Variants in AMER1 observed in about 807,000 individuals in gnomAD.
The protein encoded by AMER1 is APC membrane recruitment protein 1.
In AMER1, 16 loss-of-function variants were observed where a neutral mutation model predicts 53.0. The observed-to-expected ratio is 0.30, with a 90% CI of 0.20 to 0.46. The LOEUF is 0.46. Ranked by LOEUF, AMER1 falls within the 20% of genes least tolerant of loss-of-function variation. The pLI is 1.00. For missense variants in AMER1, 947 were observed against 884.9 expected (o/e 1.07, Z -0.89); for synonymous variants, 354 against 331.9 (o/e 1.07, Z -0.73).
rs2147085460 is a variant in AMER1, at chrX:64,190,571, G to A, written c.2716C>T (p.Leu906Phe). Residue 906 changes from leucine to phenylalanine, a missense_variant, in exon 2 of 2, where the codon CTC (leucine) becomes TTC (phenylalanine). By Grantham distance (22) the Leu-to-Phe change is conservative. Transcript: ENST00000374869. Reference sequence around the variant, plus strand: ...CCCTGGACCAAGTGGGAATTGGAGAGCTCCATCTCCAGGGTCTCTGCAGTG... The same window carrying A: ...CCCTGGACCAAGTGGGAATTGGAGAACTCCATCTCCAGGGTCTCTGCAGTG... ...LDTAETLEMELSNSHLVQGYL... is the reference protein window; with the variant it reads ...LDTAETLEMEFSNSHLVQGYL... 1 of 1,211,927 alleles carries A rather than the reference G, an allele frequency of 8.3e-7. No homozygotes were observed. Among genetic ancestry groups the A allele is most frequent in the Middle Eastern group, 2.3e-4 (1 of 4,356 alleles).
In AMER1 at chrX:64,192,048, G is replaced by A. The variant is rs2147088787; in HGVS notation, c.1239C>T (p.Ala413=). The A allele has an allele frequency of 8.3e-7, 1 of 1,211,616 alleles. No homozygotes were observed. Among genetic ancestry groups the A allele is most frequent in the Non-Finnish European group, 1.1e-6 (1 of 895,486 alleles). The change falls in exon 2 of 2, where the codon GCC becomes GCT. Residue 413 remains alanine (A), a synonymous_variant. Transcript: ENST00000374869. ...DDDLEYLWET[A]QMYPRPNMNL... The stretch of plus-strand genomic sequence containing the variant: ...TCATATTGGGCCGTGGATACATTTG[G>A]GCAGTTTCCCACAGATATTCTAAGT...
At position 64,191,778 on chromosome X, in the gene AMER1, A is replaced by T. The variant is rs2147088095; in HGVS notation, c.1509T>A (p.Asp503Glu). ...CTGGCTCATAGAACTCATATAGGGC[A>T]TCTCCACTGTAGCTGTCTCGGGGTA... The part of the protein sequence containing the change: ...DCLPRDSYSG[D>E]ALYEFYEPDD... Residue 503 changes from aspartate (D) to glutamate (E), a missense_variant, in exon 2 of 2, where the codon GAT becomes GAA. Coordinates refer to ENST00000374869, the MANE Select transcript of AMER1 (RefSeq NM_152424.4). 10 of 1,211,643 alleles carry T rather than the reference A, an allele frequency of 8.3e-6. No homozygotes were observed. Among genetic ancestry groups the T allele is most frequent in the Non-Finnish European group, 1.1e-5 (10 of 895,393 alleles).
chrX:64,189,038 T>C lies in AMER1; in HGVS notation c.*841A>G. 1 of 804,535 alleles carries C rather than the reference T, an allele frequency of 1.2e-6. No individual in the cohort carries two copies. Among genetic ancestry groups the C allele is most frequent in the Non-Finnish European group, 1.5e-6 (1 of 670,226 alleles). 66.3% of individuals were successfully genotyped at this position (804,535 alleles called of 1,213,427 possible). On this transcript the variant is annotated 3_prime_UTR_variant, in exon 2 of 2. Transcript: ENST00000374869. ...GTGTCCACAACAGAACCTTGTTTTG[T>C]CTTCTGTTTGCAAATGGATGAATTT...
Position 64,186,450 on chromosome X carries a change from A to T in AMER1, c.*3429T>A. The T allele has an allele frequency of 1.4e-6, 1 of 739,966 alleles. No individual in the cohort carries two copies. 61.0% of individuals were successfully genotyped at this position (739,966 alleles called of 1,213,427 possible). ...TTTGATATATATATATATATATATTAAAAACAACTTGAATGCAACATACAC... is the reference window on the plus strand; with the variant it reads ...TTTGATATATATATATATATATATTTAAAACAACTTGAATGCAACATACAC... On this transcript the variant is annotated 3_prime_UTR_variant, in exon 2 of 2. Transcript: ENST00000374869.
intron 1 of AMER1, among the ~76,000 whole-genome samples, chrX:64,198,766 G>C (rs959448647): frequency 9.0e-6 from 1 of 111,174 alleles, no homozygotes; most frequent in African/African-American, 3.3e-5. Context: ...AACCCAGCCT[G>C]TGGCTGCTCT....
In AMER1 at chrX:64,187,292, G is replaced by A. The variant is rs773850096; in HGVS notation, c.*2587C>T. On this transcript the variant is annotated 3_prime_UTR_variant, in exon 2 of 2. Coordinates refer to ENST00000374869, the MANE Select transcript of AMER1 (RefSeq NM_152424.4). Reference sequence around the variant, plus strand: ...ACCTGCTTCTGCAGCCACATATCCTGGCTGCCCCACTTCAGGTGGTAAGGA... The same window carrying A: ...ACCTGCTTCTGCAGCCACATATCCTAGCTGCCCCACTTCAGGTGGTAAGGA... 9.6e-5 allele frequency: 76 copies of A among 787,957 alleles called. No individual in the cohort carries two copies. In the African/African-American group the frequency reaches 1.6e-3, roughly 16 times the overall value. The allele number at this position is 787,957 out of a possible 1,213,427, so 64.9% of individuals were successfully genotyped here. A position where few individuals can be genotyped will look rare whatever the true frequency, so the allele number is the denominator to read the frequency against.
chrX:64,205,291 C>A (rs373881047), intron 1 of AMER1, among the ~76,000 whole-genome samples: 2 of 111,007 alleles, frequency 1.8e-5, no homozygotes, highest in African/African-American at 6.5e-5. Context: ...TCCCCGCCCC[C>A]CCGAAAGCCG....
chrX:64,201,825 A>G (rs1427398995), intron 1 of AMER1, among the ~76,000 whole-genome samples: 2 of 111,741 alleles, frequency 1.8e-5, no homozygotes, highest in Non-Finnish European at 3.8e-5. Flanking sequence ...TGGAGATGTA[A>G]CAGTTCTTCA....
chrX:64,189,793 A>ACGGGGGGGCCCCCCCCCCCCCC lies in AMER1; in HGVS notation c.*85_*86insGGGGGGGGGGGGGGCCCCCCCG. ...CAAAGGGTTTTCAAGTTAAACAACA[A>ACGGGGGGGCCCCCCCCCCCCCC]CCCCCACCCCCCCACCCTTCTGCCC... On this transcript the variant is annotated 3_prime_UTR_variant, in exon 2 of 2. Coordinates refer to ENST00000374869, the MANE Select transcript of AMER1 (RefSeq NM_152424.4). The ACGGGGGGGCCCCCCCCCCCCCC allele has an allele frequency of 6.8e-6, 2 of 292,073 alleles. No homozygotes were observed. The highest frequency in any genetic ancestry group is 9.8e-6 in the Non-Finnish European group (2 of 204,831). 24.1% of individuals were successfully genotyped at this position (292,073 alleles called of 1,213,427 possible).
At position 64,189,698 on chromosome X, in the gene AMER1, C is replaced by A. The variant is rs1448755028; in HGVS notation, c.*181G>T. Reference sequence around the variant, plus strand: ...CCTGGGCAGATGCACTTGAGTTGAACGTGGCCATAGATGGCAGAAGAGGCA... The same window carrying A: ...CCTGGGCAGATGCACTTGAGTTGAAAGTGGCCATAGATGGCAGAAGAGGCA... On this transcript the variant is annotated 3_prime_UTR_variant, in exon 2 of 2. Transcript: ENST00000374869. 9.1e-7 allele frequency: 1 copy of A among 1,093,286 alleles called. No homozygotes were observed. The allele number at this position is 1,093,286 out of a possible 1,213,427, so 90.1% of individuals were successfully genotyped here. A position where few individuals can be genotyped will look rare whatever the true frequency, so the allele number is the denominator to read the frequency against.
chrX:64,203,858 G>T (rs1166827576), intron 1 of AMER1, among the ~76,000 whole-genome samples: 1 of 111,527 alleles, frequency 9.0e-6, no homozygotes, highest in Non-Finnish European at 1.9e-5. Flanking sequence ...GGTTTGTGTT[G>T]GGGCCTAATC....
intron 1 of AMER1, among the ~76,000 whole-genome samples, chrX:64,202,367 G>A: frequency 8.9e-6 from 1 of 111,881 alleles, no homozygotes; most frequent in South Asian, 3.8e-4. Flanking sequence ...GAGGGGGATG[G>A]TTAATGAAAT....
At position 64,189,698 on chromosome X, in the gene AMER1, C is replaced by T. The variant is rs1448755028; in HGVS notation, c.*181G>A. On this transcript the variant is annotated 3_prime_UTR_variant, in exon 2 of 2. Transcript: ENST00000374869. ...CCTGGGCAGATGCACTTGAGTTGAA[C>T]GTGGCCATAGATGGCAGAAGAGGCA... 1.6e-5 allele frequency: 18 copies of T among 1,093,286 alleles called. No homozygotes were observed. In the South Asian group the frequency reaches 2.8e-4, roughly 17 times the overall value. The allele number at this position is 1,093,286 out of a possible 1,213,427, so 90.1% of individuals were successfully genotyped here. A position where few individuals can be genotyped will look rare whatever the true frequency, so the allele number is the denominator to read the frequency against.
rs761242587 is a variant in AMER1 at position 64,190,222 on chromosome X, C to G, written c.3065G>C (p.Arg1022Pro). ...APGESGPQLA[R>P]PSHLHLPMGP... is the part of the protein sequence containing the mutation. The stretch of plus-strand genomic sequence containing the variant: ...CATGGGCAGGTGTAGGTGTGAGGGA[C>G]GAGCTAGTTGAGGCCCAGATTCCCC... The change falls in exon 2 of 2, where the codon CGT becomes CCT. Residue 1022 changes from arginine (R) to proline (P), a missense_variant. Arg to Pro is a moderately radical substitution (Grantham distance 103, BLOSUM62 -2). Coordinates refer to ENST00000374869, the MANE Select transcript of AMER1 (RefSeq NM_152424.4). 8.3e-7 allele frequency: 1 copy of G among 1,211,132 alleles called. No individual in the cohort carries two copies. The highest frequency in any genetic ancestry group is 1.1e-6 in the Non-Finnish European group (1 of 895,117).
chrX:64,187,241 C>T lies in AMER1; in HGVS notation c.*2638G>A. 1 of 787,093 alleles carries T rather than the reference C, an allele frequency of 1.3e-6. No individual in the cohort carries two copies. Among genetic ancestry groups the T allele is most frequent in the Non-Finnish European group, 1.5e-6 (1 of 659,014 alleles). The allele number at this position is 787,093 out of a possible 1,213,427, so 64.9% of individuals were successfully genotyped here. Reference sequence around the variant, plus strand: ...GCTGCCATTGGGTTTCAGCCACAAACTGCTTAGCTCTAGAAATTCAAAGGA... The same window carrying T: ...GCTGCCATTGGGTTTCAGCCACAAATTGCTTAGCTCTAGAAATTCAAAGGA... On this transcript the variant is annotated 3_prime_UTR_variant, in exon 2 of 2. Coordinates refer to ENST00000374869, the MANE Select transcript of AMER1 (RefSeq NM_152424.4).
chrX:64,205,256 CT>C (rs1930574161), intron 1 of AMER1, among the ~76,000 whole-genome samples: 4 of 113,389 alleles, frequency 3.5e-5, no homozygotes, highest in African/African-American at 1.3e-4. Flanking sequence ...CTTCCCGGGA[CT>C]GTGCGGCAGC....
chrX:64,192,447 G>T lies in AMER1; in HGVS notation c.840C>A (p.Ser280Arg), dbSNP rs764880640. 1.2e-5 allele frequency: 14 copies of T among 1,206,475 alleles called. No individual in the cohort carries two copies. The East Asian group carries it at 3.5e-4, about 31-fold the overall frequency. ...VQPKPAPEAS[S>R]LEEPHSPETG... ...TTTCTGGGCTATGGGGCTCCTCTAGGCTACTGGCTTCAGGGGCAGGCTTGG... is the reference window on the plus strand; with the variant it reads ...TTTCTGGGCTATGGGGCTCCTCTAGTCTACTGGCTTCAGGGGCAGGCTTGG... The change falls in exon 2 of 2, where the codon AGC becomes AGA. Residue 280 changes from serine to arginine, a missense_variant. By Grantham distance (110) the Ser-to-Arg change is moderately radical. Coordinates refer to ENST00000374869, the MANE Select transcript of AMER1 (RefSeq NM_152424.4).
chrX:64,200,215 G>A (rs773295124), intron 1 of AMER1, among the ~76,000 whole-genome samples: 4 of 112,669 alleles, frequency 3.6e-5, no homozygotes, highest in South Asian at 3.7e-4. Context: ...CAGCTAGAGC[G>A]AGATCAGACA....
intron 1 of AMER1, among the ~76,000 whole-genome samples, chrX:64,196,680 G>T (rs1441687870): frequency 1.8e-5 from 2 of 112,168 alleles, no homozygotes; most frequent in Non-Finnish European, 3.8e-5. Context: ...GTGGGAGACA[G>T]ATGAATTACG....
Sources: gnomAD v4.1 joint callset for allele counts (sites outside exome capture counted in the v4.1 genomes callset) on GRCh38, gnomAD v4.1.1 for gene constraint, MANE v1.5 for transcripts, NCBI Gene and HGNC (gene_info 2026-07-23, HGNC 2026-07-21) for gene names.